The following AFG1L variants were observed in gnomAD, a reference collection of about 807,000 sequenced individuals.
The protein encoded by AFG1L is AFG1-like ATPase.
In AFG1L, 53 loss-of-function variants were observed where a neutral mutation model predicts 62.2. The ratio of observed to expected loss-of-function variants is 0.85; its 90% confidence interval spans 0.68 to 1.07. The LOEUF (loss-of-function observed/expected upper bound fraction) is 1.07, where lower values mean the gene tolerates loss of function less well. Among genes scored for constraint, AFG1L ranks in the 50% least tolerant of loss-of-function variants. The pLI is 0.00. For synonymous variants in AFG1L, 228 were observed against 210.3 expected, an observed-to-expected ratio of 1.08 and a Z score of -0.73; for missense variants, 555 against 590.5, an observed-to-expected ratio of 0.94 and a Z score of 0.62.
intron 6 of AFG1L, among the ~76,000 whole-genome samples, chr6:108,377,046 A>G (rs1780278211): frequency 6.6e-6 from 1 of 151,240 alleles, no homozygotes; most frequent in Admixed American, 6.6e-5. Context: ...TGATAATAAG[A>G]TTTTTTTGGT....
chr6:108,439,674 A>G (rs1411095638), intron 7 of AFG1L, among the ~76,000 whole-genome samples: 2 of 152,222 alleles, frequency 1.3e-5, no homozygotes, highest in Non-Finnish European at 2.9e-5. Flanking sequence ...CCGGACACTT[A>G]TAATTTGTAT....
intron 2 of AFG1L, among the ~76,000 whole-genome samples, chr6:108,328,013 C>T (rs1778121513): frequency 6.6e-6 from 1 of 152,208 alleles, no homozygotes; most frequent in Admixed American, 6.5e-5. Flanking sequence ...ACCAGTCCAG[C>T]ACAATGGTTA....
chr6:108,319,413 A>G (rs1392233476), intron 1 of AFG1L, among the ~76,000 whole-genome samples: 1 of 151,916 alleles, frequency 6.6e-6, no homozygotes, highest in African/African-American at 2.4e-5. Context: ...GACTAGAGGC[A>G]TATACCATTA....
intron 1 of AFG1L, among the ~76,000 whole-genome samples, chr6:108,304,654 T>G (rs1196070300): frequency 6.6e-6 from 1 of 152,234 alleles, no homozygotes; most frequent in Admixed American, 6.5e-5. Context: ...TTTTACTGAT[T>G]GTGCATTTTT....
chr6:108,466,737 A>AT lies in AFG1L; in HGVS notation c.891-10122dup, dbSNP rs1205101740. On this transcript the variant is annotated intron_variant, in intron 8 of 12. Coordinates refer to ENST00000368977, the MANE Select transcript of AFG1L (RefSeq NM_145315.5). The stretch of plus-strand genomic sequence containing the variant: ...TGAGAAAAAAAAATTATATATATAT[A>AT]TTTTTTAAAATATATTTGTTAAAAT... 6.4e-3 allele frequency among the ~76,000 whole-genome samples: 938 copies of AT among 147,466 alleles called. 4 individuals carry two copies. The highest frequency in any genetic ancestry group is 0.022 in the African/African-American group (896 of 40,722).
intron 6 of AFG1L, among the ~76,000 whole-genome samples, chr6:108,370,466 G>A (rs1348350509): frequency 6.6e-6 from 1 of 151,964 alleles, no homozygotes; most frequent in African/African-American, 2.4e-5. Flanking sequence ...ATTTTTGGTT[G>A]TCTCACCTGG....
Position 108,346,997 on chromosome 6 carries a change from A to C in AFG1L, c.373A>C (p.Arg125=). Residue 125 remains arginine (R), a synonymous_variant, in exon 3 of 13, where the codon AGG becomes CGG. Coordinates refer to ENST00000368977, the MANE Select transcript of AFG1L (RefSeq NM_145315.5). ...TGTTCTTAATTTGCAGCTTTTTTCA[A>C]GGAGCAAACCTCCAAGGGGCCTGTA... ...AEGLFSKLFS[R]SKPPRGLYVY... is the part of the protein sequence containing the mutation. 6.2e-7 allele frequency: 1 copy of C among 1,613,236 alleles called. No individual in the cohort carries two copies. The highest frequency in any genetic ancestry group is 8.5e-7 in the Non-Finnish European group (1 of 1,179,418).
intron 7 of AFG1L, among the ~76,000 whole-genome samples, chr6:108,427,015 G>T (rs538785498): frequency 6.6e-6 from 1 of 152,088 alleles, no homozygotes; most frequent in East Asian, 1.9e-4. Context: ...ATATACCTTA[G>T]TCTGAGTTAT....
At chr6:108,376,630 T>G (rs1174444180) in intron 6 of AFG1L, among the ~76,000 whole-genome samples, 1 of 152,142 alleles carries the variant, frequency 6.6e-6, no homozygotes, top group East Asian at 1.9e-4. Context: ...TCCAAGAGTA[T>G]GGTTGATATG....
chr6:108,477,195 C>G lies in AFG1L; in HGVS notation c.965C>G (p.Thr322Ser). 6.3e-7 allele frequency: 1 copy of G among 1,589,738 alleles called. No individual in the cohort carries two copies. Among genetic ancestry groups the G allele is most frequent in the Non-Finnish European group, 8.6e-7 (1 of 1,165,686 alleles). ...GTCTTTGTTCATGTTCCCATAGTAACTAGACCAAGGATTCTAAAAGTGCAA... is the reference window on the plus strand; with the variant it reads ...GTCTTTGTTCATGTTCCCATAGTAAGTAGACCAAGGATTCTAAAAGTGCAA... ...DELAQKQNDLTRPRILKVQGR... is the reference protein window; with the variant it reads ...DELAQKQNDLSRPRILKVQGR... The change falls in exon 10 of 13, where the codon ACT (threonine) becomes AGT (serine). Residue 322 changes from threonine (T) to serine (S), a missense_variant. By Grantham distance (58) the Thr-to-Ser change is moderately conservative (BLOSUM62 1). Transcript: ENST00000368977.
At chr6:108,450,394 T>C (rs1295747932) in intron 8 of AFG1L, among the ~76,000 whole-genome samples, 2 of 152,250 alleles carry the variant, frequency 1.3e-5, no homozygotes, top group Non-Finnish European at 2.9e-5. Context: ...GCTGCATAAA[T>C]GTCTTCTTTT....
In AFG1L at chr6:108,481,746, A is replaced by G. The variant is rs1245334142; in HGVS notation, c.1062+4454A>G. On this transcript the variant is annotated intron_variant, in intron 10 of 12. Coordinates refer to ENST00000368977, the MANE Select transcript of AFG1L (RefSeq NM_145315.5). ...AGTACACGTAATAAAACACTTCTGC[A>G]CTATATCAAATATGAAGGCTGTCCT... Among the ~76,000 whole-genome samples, 3 of 152,254 alleles carry G rather than the reference A, an allele frequency of 2.0e-5. No individual in the cohort carries two copies. In the East Asian group the frequency reaches 5.8e-4, roughly 29 times the overall value.
chr6:108,347,057 A>G lies in AFG1L; in HGVS notation c.415+18A>G. 1 of 1,610,412 alleles carries G rather than the reference A, an allele frequency of 6.2e-7. No homozygotes were observed. Among genetic ancestry groups the G allele is most frequent in the Non-Finnish European group, 8.5e-7 (1 of 1,177,044 alleles). On this transcript the variant is annotated intron_variant, in intron 3 of 12. Transcript: ENST00000368977. ...AGATGTTGGTAAGTGTGTTAAAATA[A>G]GTTTTGGGTGGGCAAAACAGAAAGT...
At chr6:108,477,163 A>G in intron 9 of AFG1L, 29 bp from the exon 10 acceptor site, 1 of 1,400,328 alleles carries the variant, frequency 7.1e-7, no homozygotes, top group East Asian at 2.3e-5. Flanking sequence ...TATCCAGACA[A>G]GATTGAGTCT....
At chr6:108,462,818 T>TA (rs1262016496) in intron 8 of AFG1L, among the ~76,000 whole-genome samples, 1 of 152,208 alleles carries the variant, frequency 6.6e-6, no homozygotes, top group Non-Finnish European at 1.5e-5. Context: ...TATGTATTCT[T>TA]ACACGTATAA....
chr6:108,518,939 A>G (rs1406434576), intron 11 of AFG1L, among the ~76,000 whole-genome samples: 2 of 152,244 alleles, frequency 1.3e-5, no homozygotes, highest in African/African-American at 4.8e-5. Flanking sequence ...GGAGCGTCTT[A>G]GGTGCACAGA....
chr6:108,443,534 C>T (rs1055130308), intron 7 of AFG1L, among the ~76,000 whole-genome samples: 1 of 152,130 alleles, frequency 6.6e-6, no homozygotes, highest in Non-Finnish European at 1.5e-5. Context: ...TTACAATGTA[C>T]AAGTCTTAAA....
At chr6:108,360,956 C>T (rs1779502694) in intron 5 of AFG1L, among the ~76,000 whole-genome samples, 1 of 152,240 alleles carries the variant, frequency 6.6e-6, no homozygotes, top group Admixed American at 6.5e-5. Context: ...AGAGTGGTCC[C>T]TCTGTTCTGA....
At chr6:108,334,999 CT>C (rs1159861156) in intron 2 of AFG1L, among the ~76,000 whole-genome samples, 174 of 145,506 alleles carry the variant, frequency 1.2e-3, no homozygotes, top group Non-Finnish European at 1.0e-3. Context: ...TTCTTTCTTT[CT>C]TTTTTTTTTT....
Sources: allele counts gnomAD v4.1 joint callset (sites outside exome capture counted in the v4.1 genomes callset), GRCh38; gene constraint gnomAD v4.1.1; transcripts MANE v1.5; gene names NCBI Gene and HGNC (gene_info 2026-07-23, HGNC 2026-07-21).